Variants in ZBTB44 observed in about 807,000 individuals in gnomAD.
The protein encoded by ZBTB44 is zinc finger and BTB domain containing 44, also known as zinc finger and BTB domain-containing protein 44.
ZBTB44 carries 15 observed loss-of-function variants against 54.0 expected under a neutral mutation model. That is an observed-to-expected ratio of 0.28 (90% CI 0.19 to 0.43). The LOEUF (loss-of-function observed/expected upper bound fraction) is 0.43, where lower values mean the gene tolerates loss of function less well. Ranked by LOEUF, ZBTB44 falls within the 20% of genes least tolerant of loss-of-function variation. ZBTB44 has a pLI of 1.00. For synonymous variants in ZBTB44, 230 were observed against 250.1 expected (o/e 0.92, Z 0.76); for missense variants, 487 against 707.1 (o/e 0.69, Z 3.53).
chr11:130,307,745 A>ATT (rs1942359087), intron 1 of ZBTB44, among the ~76,000 whole-genome samples: 1 of 152,172 alleles, frequency 6.6e-6, no homozygotes, highest in African/African-American at 2.4e-5. Flanking sequence ...TGCTGGAGGA[A>ATT]TCACATTACC....
At chr11:130,294,538 CAAAAAAAAAAAAA>C (rs11322495) in intron 1 of ZBTB44, among the ~76,000 whole-genome samples, 43 of 48,654 alleles carry the variant, frequency 8.8e-4, no homozygotes, top group Non-Finnish European at 1.2e-3. Context: ...TCTATATGAC[CAAAAAAAAAAAAA>C]AAAAAAAAAA....
At chr11:130,296,055 T>A in intron 1 of ZBTB44, 2 of 1,584,504 alleles carry the variant, frequency 1.3e-6, no homozygotes, top group Middle Eastern at 2.3e-4. Context: ...ATGAAGCTGA[T>A]CGTATCTTGG....
rs1940073173 is a variant in ZBTB44, at chr11:130,276,241, A to AC, written c.-56-14313_-56-14312insG. On this transcript the variant is annotated intron_variant, in intron 1 of 7. Transcript: ENST00000357899. ...ACGTGAAACTCTGTCTCAAAAAAAA[A>AC]AAAAAGAAAAAAGAAATCAGAGGTT... Among the ~76,000 whole-genome samples, 2 of 143,592 alleles carry AC rather than the reference A, an allele frequency of 1.4e-5. 1 individual carries two copies. The highest frequency in any genetic ancestry group is 4.6e-4 in the South Asian group (2 of 4,322). 94.2% of individuals were successfully genotyped at this position (143,592 alleles called of 152,430 possible).
chr11:130,261,907 G>C lies in ZBTB44; in HGVS notation c.-34C>G. On this transcript the variant is annotated 5_prime_UTR_variant, in exon 2 of 8. In the 5' UTR this introduces an upstream ATG that the reference lacks. Transcript: ENST00000357899. This position sits in a 1 kb window ranked among gnomAD's most constrained non-coding sequence, Gnocchi z 4.8. ...TCCTCTTCTACAGATGCTCTTCAAGGATGCAAATAAATCAGAAATGTCCTA... is the reference window on the plus strand; with the variant it reads ...TCCTCTTCTACAGATGCTCTTCAAGCATGCAAATAAATCAGAAATGTCCTA... 2 of 1,540,452 alleles carry C rather than the reference G, an allele frequency of 1.3e-6. No homozygotes were observed. Among genetic ancestry groups the C allele is most frequent in the Non-Finnish European group, 1.7e-6 (2 of 1,146,294 alleles).
Position 130,239,897 on chromosome 11 carries a change from C to G in ZBTB44, c.1019-1G>C. ...TCAGAAACGCCTTCATCTACTGAGCCTGTGAATAAGAGAAAGAGGACCACT... is the reference window on the plus strand; with the variant it reads ...TCAGAAACGCCTTCATCTACTGAGCGTGTGAATAAGAGAAAGAGGACCACT... On this transcript the variant is annotated splice_acceptor_variant, in intron 2 of 7. Coordinates refer to ENST00000357899, the MANE Select transcript of ZBTB44 (RefSeq NM_001301098.2). LOFTEE classifies it high-confidence loss of function. The G allele has an allele frequency of 6.2e-7, 1 of 1,608,408 alleles. No individual in the cohort carries two copies. The highest frequency in any genetic ancestry group is 8.5e-7 in the Non-Finnish European group (1 of 1,176,944).
intron 3 of ZBTB44, 148 bp from the exon 4 acceptor site, chr11:130,238,755 C>A (rs1591927870): frequency 4.8e-6 from 4 of 830,684 alleles, no homozygotes; most frequent in Non-Finnish European, 6.8e-6. Context: ...TTTACTTTAA[C>A]AATATGAAAA....
intron 1 of ZBTB44, among the ~76,000 whole-genome samples, chr11:130,278,605 T>C (rs1715799064): frequency 6.6e-6 from 1 of 152,196 alleles, no homozygotes; most frequent in Admixed American, 6.5e-5. Context: ...TCTTATGTTT[T>C]GCTGAAGCTC....
chr11:130,240,100 G>A (rs1290469016), intron 2 of ZBTB44, among the ~76,000 whole-genome samples: 2 of 147,412 alleles, frequency 1.4e-5, no homozygotes, highest in African/African-American at 5.0e-5. Flanking sequence ...GGAGTGCGGT[G>A]GCGCGATCTC....
intron 1 of ZBTB44, among the ~76,000 whole-genome samples, chr11:130,311,207 A>G (rs1251458604): frequency 6.6e-6 from 1 of 152,028 alleles, no homozygotes; most frequent in African/African-American, 2.4e-5. Flanking sequence ...AAAGCAAATA[A>G]GTTTATTATT....
chr11:130,235,627 T>C (rs1477730750), intron 5 of ZBTB44, among the ~76,000 whole-genome samples: 2 of 152,050 alleles, frequency 1.3e-5, no homozygotes. Flanking sequence ...GCCACTGCAC[T>C]TCAGCCTGGG....
chr11:130,272,405 T>C (rs1294161304), intron 1 of ZBTB44, among the ~76,000 whole-genome samples: 4 of 152,238 alleles, frequency 2.6e-5, no homozygotes, highest in Admixed American at 2.0e-4. Flanking sequence ...TACTGGACAT[T>C]AGTGTATCTT....
At chr11:130,278,377 C>T (rs79956760) in intron 1 of ZBTB44, among the ~76,000 whole-genome samples, 2,945 of 152,264 alleles carry the variant, frequency 0.019, 49 homozygotes, top group Non-Finnish European at 0.029. Context: ...ACTTGAAGCA[C>T]GGTTTCTACT....
intron 1 of ZBTB44, among the ~76,000 whole-genome samples, chr11:130,312,310 C>T (rs1401763276): frequency 1.3e-5 from 2 of 152,178 alleles, no homozygotes; most frequent in African/African-American, 4.8e-5. Flanking sequence ...GCAAACCACA[C>T]CTTTACAACA....
intron 2 of ZBTB44, among the ~76,000 whole-genome samples, chr11:130,254,707 C>T (rs944637168): frequency 5.9e-4 from 90 of 152,160 alleles, no homozygotes; most frequent in Non-Finnish European, 5.4e-4. Context: ...CCATTTGACC[C>T]AGCCATCCCA....
intron 2 of ZBTB44, among the ~76,000 whole-genome samples, chr11:130,258,501 G>A (rs927877095): frequency 6.6e-6 from 1 of 152,256 alleles, no homozygotes; most frequent in African/African-American, 2.4e-5. Flanking sequence ...TCCCTTTAAT[G>A]TAGACTCCTT....
At chr11:130,255,958 A>G (rs576484398) in intron 2 of ZBTB44, among the ~76,000 whole-genome samples, 41 of 151,144 alleles carry the variant, frequency 2.7e-4, no homozygotes, top group Non-Finnish European at 5.0e-4. Flanking sequence ...GAAATAGCCT[A>G]CCAACCAAAA....
rs543646234 is a variant in ZBTB44 at position 130,308,842 on chromosome 11, T to C, written c.-57+5533A>G. ...TTCCCACTCCACTCCCTAATGGAAC[T>C]AGATGTTCACTCTGTTATTGAAAGC... is the stretch of plus-strand genomic sequence containing the variant. On this transcript the variant is annotated intron_variant, in intron 1 of 7. Coordinates refer to ENST00000357899, the MANE Select transcript of ZBTB44 (RefSeq NM_001301098.2). Among the ~76,000 whole-genome samples, 7 of 152,312 alleles carry C rather than the reference T, an allele frequency of 4.6e-5. No homozygotes were observed. The South Asian group carries it at 1.2e-3, about 27-fold the overall frequency.
At chr11:130,243,719 T>C (rs1204399076) in intron 2 of ZBTB44, among the ~76,000 whole-genome samples, 1 of 152,214 alleles carries the variant, frequency 6.6e-6, no homozygotes, top group Admixed American at 6.5e-5. Context: ...GGTCACTGAA[T>C]ACATTTATCT....
chr11:130,282,590 T>G (rs550888392), intron 1 of ZBTB44, among the ~76,000 whole-genome samples: 17 of 152,214 alleles, frequency 1.1e-4, no homozygotes, highest in Admixed American at 6.5e-4. Flanking sequence ...AAGGTTTGAA[T>G]CACAAACTTA....
Sources: gnomAD v4.1 joint callset for allele counts (sites outside exome capture counted in the v4.1 genomes callset) on GRCh38, gnomAD v4.1.1 for gene constraint, Gnocchi (gnomAD v3.1) non-coding constraint, MANE v1.5 for transcripts, NCBI Gene and HGNC (gene_info 2026-07-23, HGNC 2026-07-21) for gene names.